The following RBFOX1 variants were observed in gnomAD, a reference collection of about 807,000 sequenced individuals.
The protein encoded by RBFOX1 is RNA binding protein fox-1 homolog 1.
Under a neutral mutation model 57.7 loss-of-function variants are expected in RBFOX1, and 8 were observed. The observed-to-expected ratio is 0.14, with a 90% confidence interval of 0.08 to 0.25. RBFOX1 has a LOEUF of 0.25. RBFOX1 is among the 10% of genes least tolerant of loss of function. The pLI, the probability that RBFOX1 is intolerant of heterozygous loss-of-function variation, is 1.00. For missense variants in RBFOX1, 611 were observed against 548.5 expected, an observed-to-expected ratio of 1.11 and a Z score of -1.14; for synonymous variants, 326 against 222.4, an observed-to-expected ratio of 1.47 and a Z score of -4.15.
chr16:7,487,526 A>ATTCCC (rs2065745024), intron 4 of RBFOX1, among the ~76,000 whole-genome samples: 1 of 152,220 alleles, frequency 6.6e-6, no homozygotes, highest in South Asian at 2.1e-4. Context: ...ATGGATGAAC[A>ATTCCC]TTCCTTAAAG....
At chr16:5,398,227 A>G (rs762851872) in intron 1 of RBFOX1, among the ~76,000 whole-genome samples, 1 of 152,078 alleles carries the variant, frequency 6.6e-6, no homozygotes, top group Non-Finnish European at 1.5e-5. Context: ...ATGAGTGTAC[A>G]TGTGTGGACA....
In RBFOX1 at chr16:7,207,411, A is replaced by G. The variant is rs186088535; in HGVS notation, c.27+155313A>G. 2.6e-5 allele frequency among the ~76,000 whole-genome samples: 4 copies of G among 152,274 alleles called. No homozygotes were observed. In the East Asian group the frequency reaches 7.7e-4, roughly 29 times the overall value. On this transcript the variant is annotated intron_variant, in intron 4 of 15. Transcript: ENST00000550418. Reference sequence around the variant, plus strand: ...CGTTAGGTTCACATGAATGGTAGAGAGAGGAACTCAACAGCACAAAATAGT... The same window carrying G: ...CGTTAGGTTCACATGAATGGTAGAGGGAGGAACTCAACAGCACAAAATAGT...
intron 4 of RBFOX1, among the ~76,000 whole-genome samples, chr16:7,473,583 C>G (rs1344113879): frequency 6.6e-6 from 1 of 151,376 alleles, no homozygotes; most frequent in Non-Finnish European, 1.5e-5. Context: ...TTGTTTTCCT[C>G]TTTACCTGCT....
chr16:6,974,568 C>G (rs1393529683), intron 3 of RBFOX1, among the ~76,000 whole-genome samples: 1 of 152,024 alleles, frequency 6.6e-6, no homozygotes, highest in African/African-American at 2.4e-5. Context: ...TGGTCTTGAT[C>G]TCCTGACCTC....
chr16:6,351,483 C>T (rs1312344696), intron 2 of RBFOX1, among the ~76,000 whole-genome samples: 1 of 150,782 alleles, frequency 6.6e-6, no homozygotes, highest in African/African-American at 2.4e-5. Flanking sequence ...AAGCGATTCT[C>T]TTGCCTCAGC....
chr16:5,264,968 C>T (rs753639454), intron 1 of RBFOX1, among the ~76,000 whole-genome samples: 1 of 151,998 alleles, frequency 6.6e-6, no homozygotes, highest in Non-Finnish European at 1.5e-5. Context: ...GCAGCAAAAC[C>T]TAACCTATTC....
rs71408410 is a variant in RBFOX1 at position 6,861,823 on chromosome 16, G to GATT, written c.-15-190234_-15-190233insATT. On this transcript the variant is annotated intron_variant, in intron 3 of 15. Transcript: ENST00000550418. ...CCTCTTTCCTAGCCAGCGTCCCTTG[G>GATT]TTTTTTTTTTTTTTTTTTTTTGGTT... Among the ~76,000 whole-genome samples the GATT allele has an allele frequency of 3.2e-5, 3 of 92,454 alleles. No homozygotes were observed. In the South Asian group the frequency reaches 1.4e-3, roughly 42 times the overall value. The allele number at this position is 92,454 out of a possible 152,430, so 60.7% of individuals were successfully genotyped here.
At chr16:7,676,361 A>G (rs747151075) in intron 13 of RBFOX1, among the ~76,000 whole-genome samples, 5 of 152,248 alleles carry the variant, frequency 3.3e-5, no homozygotes, top group Non-Finnish European at 1.5e-5. Context: ...TAAGAAAATA[A>G]GAACTGTTTG....
intron 2 of RBFOX1, among the ~76,000 whole-genome samples, chr16:6,505,251 TCA>T (rs1380877976): frequency 1.3e-5 from 2 of 152,190 alleles, no homozygotes; most frequent in Non-Finnish European, 2.9e-5. Flanking sequence ...TTTCAGTATG[TCA>T]CAGTCAATAG....
intron 3 of RBFOX1, among the ~76,000 whole-genome samples, chr16:6,847,832 T>G (rs1350308670): frequency 6.6e-6 from 1 of 152,048 alleles, no homozygotes; most frequent in Middle Eastern, 3.2e-3. Flanking sequence ...CCACCAAGAC[T>G]TCCTTTTGGT....
intron 3 of RBFOX1, among the ~76,000 whole-genome samples, chr16:5,823,021 A>C (rs781086568): frequency 2.0e-5 from 3 of 152,266 alleles, no homozygotes; most frequent in Admixed American, 1.3e-4. Context: ...GTAGATCTCA[A>C]GGACTTATTC....
chr16:6,833,781 G>T (rs557431981), intron 3 of RBFOX1, among the ~76,000 whole-genome samples: 1 of 152,298 alleles, frequency 6.6e-6, no homozygotes, highest in South Asian at 2.1e-4. Context: ...GAAGGTCTCT[G>T]TGAAGGACTA....
At chr16:7,705,670 G>C (rs1220608568) in intron 14 of RBFOX1, among the ~76,000 whole-genome samples, 3 of 152,156 alleles carry the variant, frequency 2.0e-5, no homozygotes, top group African/African-American at 7.2e-5. Flanking sequence ...CATAGGATTA[G>C]ATTTATATTT....
intron 5 of RBFOX1, among the ~76,000 whole-genome samples, chr16:7,556,597 T>G (rs1308808422): frequency 6.6e-6 from 1 of 152,208 alleles, no homozygotes. Flanking sequence ...ATACAGAGTT[T>G]CATTCACCTA....
intron 1 of RBFOX1, among the ~76,000 whole-genome samples, chr16:6,044,848 C>T (rs984155589): frequency 3.3e-5 from 5 of 152,162 alleles, no homozygotes; most frequent in African/African-American, 1.2e-4. Flanking sequence ...CTCATTGTTC[C>T]CTCATGTTTC....
intron 1 of RBFOX1, chr16:6,037,096 T>G (rs1269280421): frequency 8.5e-5 from 13 of 152,216 alleles, no homozygotes. Context: ...TACCTCTTAC[T>G]TAGCAGTAGG....
intron 2 of RBFOX1, among the ~76,000 whole-genome samples, chr16:6,352,839 GT>G (rs2086647277): frequency 6.6e-6 from 1 of 152,128 alleles, no homozygotes; most frequent in Non-Finnish European, 1.5e-5. Context: ...AAAGCAATTT[GT>G]TTTTATATAA....
chr16:5,894,275 A>G (rs1003927416), intron 4 of RBFOX1, among the ~76,000 whole-genome samples: 3 of 152,176 alleles, frequency 2.0e-5, no homozygotes, highest in African/African-American at 4.8e-5. Flanking sequence ...ACAATTCAAA[A>G]CATTATAAAA....
At chr16:6,217,121 C>T (rs2097340588) in intron 1 of RBFOX1, among the ~76,000 whole-genome samples, 1 of 149,558 alleles carries the variant, frequency 6.7e-6, no homozygotes, top group Admixed American at 6.7e-5. Flanking sequence ...TTGCTTCAGT[C>T]ATAGTCACCT....
Sources: allele counts gnomAD v4.1 joint callset (sites outside exome capture counted in the v4.1 genomes callset), GRCh38; gene constraint gnomAD v4.1.1; transcripts MANE v1.5; gene names NCBI Gene and HGNC (gene_info 2026-07-23, HGNC 2026-07-21).